The following CFAP92 variants were observed in gnomAD, a reference collection of about 807,000 sequenced individuals.
CFAP92 encodes the protein cilia and flagella associated protein 92 (putative).
A neutral mutation model predicts 106.3 loss-of-function variants in CFAP92; 86 were observed. That is an observed-to-expected ratio of 0.81 (90% confidence interval 0.68 to 0.97). The LOEUF is 0.97. Among genes scored for constraint, CFAP92 ranks in the 50% least tolerant of loss-of-function variants. The pLI is 0.00. For synonymous variants in CFAP92, 477 were observed against 506.4 expected, an observed-to-expected ratio of 0.94 and a Z score of 0.78; for missense variants, 1,204 against 1,283.8, an observed-to-expected ratio of 0.94 and a Z score of 0.95.
chr3:129,002,233 G>C, intron 1 of CFAP92: 2 of 1,529,214 alleles, frequency 1.3e-6, no homozygotes, highest in Non-Finnish European at 1.7e-6. Context: ...CGCGTTGCGC[G>C]GCTGGAGGAG....
At chr3:128,920,502 T>C (rs910652774) in intron 12 of CFAP92, among the ~76,000 whole-genome samples, 3 of 152,170 alleles carry the variant, frequency 2.0e-5, no homozygotes, top group Admixed American at 6.5e-5. Flanking sequence ...ATGGAAATCA[T>C]AGAATTGAAG....
chr3:128,975,028 A>G (rs1375151126), intron 7 of CFAP92, among the ~76,000 whole-genome samples: 1 of 151,132 alleles, frequency 6.6e-6, no homozygotes, highest in Non-Finnish European at 1.5e-5. Context: ...GCTGAGGCAG[A>G]AGAATGGCGT....
chr3:128,954,067 TC>T (rs1403608687), intron 9 of CFAP92, among the ~76,000 whole-genome samples: 1 of 43,298 alleles, frequency 2.3e-5, no homozygotes, highest in East Asian at 7.5e-4. Context: ...TGGCCGCCCA[TC>T]GTCTGGGATG....
At chr3:129,017,552 C>T in the CFAP92 span, among the ~76,000 whole-genome samples, 90 of 152,336 alleles carry the variant, frequency 5.9e-4, 2 homozygotes, top group East Asian at 0.015. Flanking sequence ...GGGACCGAGG[C>T]CCTATTTCCT....
chr3:128,923,079 A>G (rs202201219), intron 12 of CFAP92, among the ~76,000 whole-genome samples: 4 of 152,384 alleles, frequency 2.6e-5, no homozygotes, highest in South Asian at 2.1e-4. Flanking sequence ...CCTCCCAGCT[A>G]CAGCCACAAA....
chr3:128,914,447 CGAGGAGGA>C (rs1324338248), intron 15 of CFAP92, among the ~76,000 whole-genome samples: 2 of 152,154 alleles, frequency 1.3e-5, no homozygotes, highest in African/African-American at 4.8e-5. Flanking sequence ...CCTTAGGAGT[CGAGGAGGA>C]GAGGAAGCCA....
Position 128,987,679 on chromosome 3 carries a change from C to A in CFAP92, c.604G>T (p.Val202Phe). Residue 202 changes from valine (V) to phenylalanine (F), a missense_variant, in exon 4 of 16, where the codon GTC (valine) becomes TTC (phenylalanine). Physicochemically the swap from Val to Phe is conservative, Grantham distance 50 (BLOSUM62 -1). Coordinates refer to ENST00000645291, the MANE Select transcript of CFAP92 (RefSeq NM_001394090.1). ...GCAGTCTTTAATCGGTAATATCTGA[C>A]TTTTCTTGACATCTTGTCTTTAGTG... ...WNTKDKMSRKVRYYRLKTAGF... is the reference protein window; with the variant it reads ...WNTKDKMSRKFRYYRLKTAGF... The A allele has an allele frequency of 6.2e-7, 1 of 1,614,030 alleles. No homozygotes were observed. Among genetic ancestry groups the A allele is most frequent in the Middle Eastern group, 1.6e-4 (1 of 6,062 alleles).
intron 9 of CFAP92, among the ~76,000 whole-genome samples, chr3:128,948,376 CCTTT>C (rs1940449690): frequency 1.0e-5 from 1 of 95,312 alleles, no homozygotes; most frequent in Non-Finnish European, 2.0e-5. Context: ...TCTTTTCTTT[CCTTT>C]TTTTTTTTTT....
rs35609680 is a variant in CFAP92, at chr3:128,924,618, A to ATTTT, written c.2751+8078_2751+8081dup. On this transcript the variant is annotated intron_variant, in intron 12 of 15. Coordinates refer to ENST00000645291, the MANE Select transcript of CFAP92 (RefSeq NM_001394090.1). ...TACCACCACGTCCGGCTCATTTTGT[A>ATTTT]TTTTTTTTAGCACAGATGGGGTTTC... is the stretch of plus-strand genomic sequence containing the variant. Among the ~76,000 whole-genome samples the ATTTT allele has an allele frequency of 6.0e-3, 885 of 148,466 alleles. 8 individuals are homozygous for ATTTT. The highest frequency in any genetic ancestry group is 0.021 in the Middle Eastern group (6 of 288).
In CFAP92 at chr3:128,987,539, G is replaced by A. The variant is rs977419792; in HGVS notation, c.667+77C>T. On this transcript the variant is annotated intron_variant, in intron 4 of 15. Transcript: ENST00000645291. ...CATGCCAATTAGATGAAGGAAACCA[G>A]GAGACACTGGCTTTTATGCTGTTAC... 2.3e-6 allele frequency: 3 copies of A among 1,284,070 alleles called. No individual in the cohort carries two copies. The African/African-American group carries it at 4.5e-5, about 19-fold the overall frequency. The allele number at this position is 1,284,070 out of a possible 1,614,324, so 79.5% of individuals were successfully genotyped here. A position where few individuals can be genotyped will look rare whatever the true frequency, so the allele number is the denominator to read the frequency against.
chr3:128,923,303 T>C (rs534344718), intron 12 of CFAP92, among the ~76,000 whole-genome samples: 34 of 151,788 alleles, frequency 2.2e-4, no homozygotes, highest in African/African-American at 7.7e-4. Flanking sequence ...CCGACTGGAG[T>C]CACGCTGACA....
intron 9 of CFAP92, 107 bp downstream of exon 9, chr3:128,965,390 CCCGTATGAGAATGA>C (rs1402293535): frequency 2.0e-5 from 8 of 397,356 alleles, no homozygotes; most frequent in African/African-American, 1.2e-4. Context: ...TTCACACGGA[CCCGTATGAGAATGA>C]CCACATTTCT....
chr3:128,976,845 T>C, intron 6 of CFAP92, 134 bp downstream of exon 6: 1 of 692,418 alleles, frequency 1.4e-6, no homozygotes, highest in Non-Finnish European at 2.6e-6. Flanking sequence ...ACCCCTTCCC[T>C]GTTAGCTTAA....
Position 128,977,067 on chromosome 3 carries a change from C to G in CFAP92, c.809-1G>C, listed in dbSNP as rs756954032. On this transcript the variant is annotated splice_acceptor_variant, in intron 5 of 15. Coordinates refer to ENST00000645291, the MANE Select transcript of CFAP92 (RefSeq NM_001394090.1). LOFTEE classifies it high-confidence loss of function. Reference sequence around the variant, plus strand: ...GTTTCGGGCTCTGCTTGGTGAGAACCTGAAAACAGTAGCAAATATTTCCAA... The same window carrying G: ...GTTTCGGGCTCTGCTTGGTGAGAACGTGAAAACAGTAGCAAATATTTCCAA... The G allele has an allele frequency of 1.2e-5, 20 of 1,612,944 alleles. No homozygotes were observed. Among genetic ancestry groups the G allele is most frequent in the Non-Finnish European group, 1.6e-5 (19 of 1,179,172 alleles).
At chr3:128,919,972 A>G (rs1021415898) in intron 12 of CFAP92, among the ~76,000 whole-genome samples, 2 of 152,234 alleles carry the variant, frequency 1.3e-5, no homozygotes, top group African/African-American at 4.8e-5. Flanking sequence ...AAGAGTCTCT[A>G]TAGTTTTCAA....
chr3:128,937,110 T>C (rs1397932801), intron 10 of CFAP92, among the ~76,000 whole-genome samples: 2 of 151,390 alleles, frequency 1.3e-5, no homozygotes, highest in East Asian at 1.9e-4. Flanking sequence ...AGACCAGCCT[T>C]GGCAACCTGG....
intron 4 of CFAP92, among the ~76,000 whole-genome samples, chr3:128,982,004 A>G (rs894902322): frequency 7.2e-5 from 11 of 152,202 alleles, no homozygotes; most frequent in Admixed American, 6.5e-4. Flanking sequence ...AATAGGCTCT[A>G]GGGTTCTGGG....
In CFAP92 at chr3:128,935,301, G is replaced by A. The variant is rs746072718; in HGVS notation, c.2277C>T (p.His759=). Residue 759 remains histidine, a synonymous_variant, in exon 11 of 16, where the codon CAC becomes CAT. Transcript: ENST00000645291. ...AGTTGTACAGCACCTTGTATTTCCT[G>A]TGTTCTGACCTGGGAATCCTGCAAG... The part of the protein sequence containing the change: ...NHQSWIPRSE[H]RKYKVLYNSQ... The A allele has an allele frequency of 1.3e-6, 2 of 1,523,844 alleles. No homozygotes were observed. The highest frequency in any genetic ancestry group is 1.8e-6 in the Non-Finnish European group (2 of 1,138,870). 94.4% of individuals were successfully genotyped at this position (1,523,844 alleles called of 1,614,324 possible).
the CFAP92 span, among the ~76,000 whole-genome samples, chr3:129,020,210 G>A: frequency 6.6e-6 from 1 of 152,202 alleles, no homozygotes; most frequent in African/African-American, 2.4e-5. Context: ...GAAAAGGAAA[G>A]ATGAACAAGC....
Sources: gnomAD v4.1 joint callset for allele counts (sites outside exome capture counted in the v4.1 genomes callset) on GRCh38, gnomAD v4.1.1 for gene constraint, MANE v1.5 for transcripts, NCBI Gene and HGNC (gene_info 2026-07-23, HGNC 2026-07-21) for gene names.